PLA2G4B: variants seen among roughly 807,000 people sequenced by gnomAD.
PLA2G4B encodes the protein phospholipase A2 group IVB, also known as cytosolic phospholipase A2 beta.
In PLA2G4B, 122 loss-of-function variants were observed where a neutral mutation model predicts 95.8. That is an observed-to-expected ratio of 1.27 (90% CI 1.10 to 1.48). The LOEUF is 1.48. PLA2G4B is among the 40% of genes most tolerant of loss of function. The pLI is 0.00. For synonymous variants in PLA2G4B, 518 were observed against 421.5 expected (o/e 1.23, Z -2.80); for missense variants, 1,158 against 996.2 (o/e 1.16, Z -2.19).
Position 41,842,182 on chromosome 15 carries a change from G to T in PLA2G4B, c.622-11G>T, listed in dbSNP as rs2065444793. The T allele has an allele frequency of 6.2e-7, 1 of 1,613,526 alleles. No individual in the cohort carries two copies. Among genetic ancestry groups the T allele is most frequent in the Non-Finnish European group, 8.5e-7 (1 of 1,179,836 alleles). ...AAAGATTCTTAGGTCTGCATTCTTTGTCCCCTGCAGGATGCCCCCGAGGAG... is the reference window on the plus strand; with the variant it reads ...AAAGATTCTTAGGTCTGCATTCTTTTTCCCCTGCAGGATGCCCCCGAGGAG... On this transcript the variant is annotated splice_polypyrimidine_tract_variant and intron_variant, in intron 8 of 19. Coordinates refer to ENST00000458483, the MANE Select transcript of PLA2G4B (RefSeq NM_001114633.2).
chr15:41,844,659 G>A, intron 12 of PLA2G4B, 52 bp downstream of exon 12: 3 of 1,612,250 alleles, frequency 1.9e-6, no homozygotes, highest in Non-Finnish European at 2.5e-6. Flanking sequence ...GGGTGCTGGT[G>A]CCAGGGTTCT....
chr15:41,848,100 C>T lies in PLA2G4B; in HGVS notation c.*240C>T. On this transcript the variant is annotated 3_prime_UTR_variant, in exon 20 of 20. Transcript: ENST00000458483. ...TGTGCCTGTTTTCCCTTCTGCGCTACCTTGAGTAGTTGGAGCACTTGATAC... is the reference window on the plus strand; with the variant it reads ...TGTGCCTGTTTTCCCTTCTGCGCTATCTTGAGTAGTTGGAGCACTTGATAC... The T allele has an allele frequency of 3.3e-6, 2 of 598,244 alleles. No homozygotes were observed. The highest frequency in any genetic ancestry group is 2.8e-5 in the East Asian group (1 of 35,378). The allele number at this position is 598,244 out of a possible 1,614,324, so 37.1% of individuals were successfully genotyped here.
At position 41,845,304 on chromosome 15, in the gene PLA2G4B, C is replaced by T. The variant is rs755484460; in HGVS notation, c.1341C>T (p.Thr447=). 6.8e-6 allele frequency: 11 copies of T among 1,613,918 alleles called. No individual in the cohort carries two copies. The African/African-American group carries it at 1.2e-4, about 18-fold the overall frequency. Residue 447 remains threonine, a synonymous_variant, in exon 14 of 20, where the codon ACC becomes ACT. Coordinates refer to ENST00000458483, the MANE Select transcript of PLA2G4B (RefSeq NM_001114633.2). ...CALNTKGQSL[T]TFEFGEWCEF... is the part of the protein sequence containing the mutation. ...TCAACACCAAAGGGCAGAGCCTGAC[C>T]ACTTTTGAATTTGGGGGTGAGTGGC...
intron 18 of PLA2G4B, 134 bp downstream of exon 18, chr15:41,846,969 C>T: frequency 8.0e-7 from 1 of 1,243,798 alleles, no homozygotes; most frequent in South Asian, 1.8e-5. Context: ...CTTAATTTGC[C>T]ACCAGAGGAG....
chr15:41,847,881 C>CCTAA lies in PLA2G4B; in HGVS notation c.*24_*27dup, dbSNP rs757235818. On this transcript the variant is annotated 3_prime_UTR_variant, in exon 20 of 20. Transcript: ENST00000458483. ...ACTGATGGCCGGGGCCCCTGCCACC[C>CCTAA]CTAACTCTCATTCATTCCCTGGCTG... The CCTAA allele has an allele frequency of 4.9e-5, 78 of 1,600,710 alleles. 1 individual carries two copies. The highest frequency in any genetic ancestry group is 3.4e-4 in the Middle Eastern group (2 of 5,932).
rs199918185 is a variant in PLA2G4B, at chr15:41,841,083, G to A, written c.380G>A (p.Arg127His). Residue 127 changes from arginine to histidine, a missense_variant, in exon 5 of 20, where the codon CGC becomes CAC. Physicochemically the swap from Arg to His is conservative, Grantham distance 29 (BLOSUM62 0). Coordinates refer to ENST00000458483, the MANE Select transcript of PLA2G4B (RefSeq NM_001114633.2). ...GAGGGGCGCCTGGAAGTTGAATTTC[G>A]CCTGCAGAGTCTGTGAGTCAGGGGC... ...QGEGRLEVEF[R>H]LQSLADRGEW... The A allele has an allele frequency of 1.9e-5, 31 of 1,591,198 alleles. No homozygotes were observed. The East Asian group carries it at 2.9e-4, about 15-fold the overall frequency.
chr15:41,841,647 C>T (rs910246884), intron 7 of PLA2G4B, 76 bp downstream of exon 7: 4 of 1,601,102 alleles, frequency 2.5e-6, no homozygotes, highest in Non-Finnish European at 3.4e-6. Context: ...GACAATTCTC[C>T]TTGGGGCCTG....
chr15:41,847,312 G>GGT, intron 18 of PLA2G4B, 25 bp from the exon 19 acceptor site: 2 of 1,575,934 alleles, frequency 1.3e-6, no homozygotes, highest in Non-Finnish European at 1.7e-6. Flanking sequence ...CTGTCCCTCT[G>GGT]AAGCCCCTTC....
At chr15:41,842,501 G>C in intron 9 of PLA2G4B, 53 bp from the exon 10 acceptor site, 2 of 1,610,416 alleles carry the variant, frequency 1.2e-6, no homozygotes, top group Non-Finnish European at 1.7e-6. Context: ...AAGAGGACCA[G>C]AGCTGGGTGG....
In PLA2G4B at chr15:41,842,227, G is replaced by A; in HGVS notation, c.656G>A (p.Ser219Asn). 1.9e-6 allele frequency: 3 copies of A among 1,614,124 alleles called. No individual in the cohort carries two copies. Among genetic ancestry groups the A allele is most frequent in the Non-Finnish European group, 1.7e-6 (2 of 1,180,008 alleles). ...APEEQLKAPL[S>N]ALPSGQVVRL... The stretch of plus-strand genomic sequence containing the variant: ...GAGGAGCAACTAAAGGCGCCACTGA[G>A]TGCCCTGCCCTCTGGTCAAGTGGTG... The change falls in exon 9 of 20, where the codon AGT (serine) becomes AAT (asparagine). Residue 219 changes from serine (S) to asparagine (N), a missense_variant. Coordinates refer to ENST00000458483, the MANE Select transcript of PLA2G4B (RefSeq NM_001114633.2).
chr15:41,841,167 G>A (rs2065424601), intron 5 of PLA2G4B, 64 bp from the exon 6 acceptor site: 2 of 1,614,026 alleles, frequency 1.2e-6, no homozygotes, highest in East Asian at 4.5e-5. Flanking sequence ...CCTGGGGGAT[G>A]CCCAGGTCTC....
chr15:41,845,641 G>A lies in PLA2G4B; in HGVS notation c.1361G>A (p.Trp454Ter). The A allele has an allele frequency of 1.2e-6, 2 of 1,614,140 alleles. No individual in the cohort carries two copies. The highest frequency in any genetic ancestry group is 8.5e-7 in the Non-Finnish European group (1 of 1,180,024). The change falls in exon 15 of 20, where the codon TGG becomes TAG. Residue 454 changes from tryptophan to a stop codon, truncating the protein, a stop_gained. Transcript: ENST00000458483. LOFTEE classifies it high-confidence loss of function. Reference protein sequence around the residue: ...QSLTTFEFGEWCEFSPYEVGF... With the variant: ...QSLTTFEFGE ...CTGAGGCGTGGACTCCTCACAGAGT[G>A]GTGCGAGTTCTCTCCCTACGAGGTC...
chr15:41,846,248 C>T lies in PLA2G4B; in HGVS notation c.1646C>T (p.Thr549Ile), dbSNP rs747051385. ...CTGAAGATAGAAGAACCACCCTCAA[C>T]AGCCGGCAGGATAGCTGAGTTTTTC... is the stretch of plus-strand genomic sequence containing the variant. Reference protein sequence around the residue: ...PLLKIEEPPSTAGRIAEFFTD... With the variant: ...PLLKIEEPPSIAGRIAEFFTD... Residue 549 changes from threonine (T) to isoleucine (I), a missense_variant, in exon 17 of 20, where the codon ACA becomes ATA. By Grantham distance (89) the Thr-to-Ile change is moderately conservative (BLOSUM62 -1). Transcript: ENST00000458483. 4.3e-6 allele frequency: 7 copies of T among 1,614,092 alleles called. No homozygotes were observed. Among genetic ancestry groups the T allele is most frequent in the Non-Finnish European group, 5.9e-6 (7 of 1,179,994 alleles).
Position 41,847,935 on chromosome 15 carries a change from G to T in PLA2G4B, c.*75G>T. ...AGTTGCAGGTGGGAACTGTCATCAC[G>T]CAGTGCTTCAGAGCCTCGGGCTCAG... On this transcript the variant is annotated 3_prime_UTR_variant, in exon 20 of 20. Coordinates refer to ENST00000458483, the MANE Select transcript of PLA2G4B (RefSeq NM_001114633.2). 2 of 1,523,176 alleles carry T rather than the reference G, an allele frequency of 1.3e-6. No homozygotes were observed. Among genetic ancestry groups the T allele is most frequent in the Non-Finnish European group, 1.8e-6 (2 of 1,136,612 alleles). The allele number at this position is 1,523,176 out of a possible 1,614,324, so 94.4% of individuals were successfully genotyped here. A position where few individuals can be genotyped will look rare whatever the true frequency, so the allele number is the denominator to read the frequency against.
rs1008544451 is a variant in PLA2G4B, at chr15:41,844,739, C to T, written c.1017-109C>T. The T allele has an allele frequency of 1.4e-5, 22 of 1,550,544 alleles. No homozygotes were observed. The African/African-American group carries it at 2.9e-4, about 20-fold the overall frequency. On this transcript the variant is annotated intron_variant, in intron 12 of 19. Transcript: ENST00000458483. ...CCAGGGAGAAACGTGCTCAAGGGGACCCTGGGAAGGTCCCTGCCAGGCCAT... is the reference window on the plus strand; with the variant it reads ...CCAGGGAGAAACGTGCTCAAGGGGATCCTGGGAAGGTCCCTGCCAGGCCAT...
Position 41,846,218 on chromosome 15 carries a change from C to T in PLA2G4B, c.1616C>T (p.Pro539Leu). Residue 539 changes from proline to leucine, a missense_variant, in exon 17 of 20, where the codon CCC becomes CTC. Pro to Leu is a moderately conservative substitution (Grantham distance 98, BLOSUM62 -3). Transcript: ENST00000458483. ...GCCTGTGTAGACAAGGAGCAGGTCC[C>T]CCTTCTGAAGATAGAAGAACCACCC... ...NQANLDKEQVPLLKIEEPPST... is the reference protein window; with the variant it reads ...NQANLDKEQVLLLKIEEPPST... 2 of 1,613,858 alleles carry T rather than the reference C, an allele frequency of 1.2e-6. No individual in the cohort carries two copies. Among genetic ancestry groups the T allele is most frequent in the African/African-American group, 1.3e-5 (1 of 75,044 alleles).
At chr15:41,842,635 C>G (rs761195850) in intron 10 of PLA2G4B, 44 bp downstream of exon 10, 4 of 1,603,158 alleles carry the variant, frequency 2.5e-6, no homozygotes, top group African/African-American at 1.4e-5. Flanking sequence ...TGGAAAACAA[C>G]CAGGGTGCGG....
At chr15:41,847,627 C>T in intron 19 of PLA2G4B, 22 bp from the exon 20 acceptor site, 2 of 1,613,494 alleles carry the variant, frequency 1.2e-6, no homozygotes, top group Non-Finnish European at 1.7e-6. Flanking sequence ...GTTCCCCATG[C>T]CAGGCTGCAC....
chr15:41,839,881 C>T (rs1330508056), intron 1 of PLA2G4B: 5 of 407,106 alleles, frequency 1.2e-5, no homozygotes, highest in East Asian at 4.2e-5. Context: ...AGTGGGCCAT[C>T]GTAAATAGTA....
Sources: gnomAD v4.1 joint callset for allele counts on GRCh38, gnomAD v4.1.1 for gene constraint, MANE v1.5 for transcripts, NCBI Gene and HGNC (gene_info 2026-07-23, HGNC 2026-07-21) for gene names.